KIF17: variants seen among roughly 807,000 people sequenced by gnomAD.
The protein encoded by KIF17 is kinesin family member 17.
Under a neutral mutation model 96.8 loss-of-function variants are expected in KIF17, and 80 were observed. That is an observed-to-expected ratio of 0.83 (90% CI 0.69 to 1.00). The LOEUF is 1.00. Ranked by LOEUF, KIF17 falls within the 50% of genes least tolerant of loss-of-function variation. The probability of loss-of-function intolerance (pLI) is 0.00; values close to 1 mark genes in which losing one functional copy is unlikely to be tolerated. For synonymous variants in KIF17, 567 were observed against 587.5 expected (o/e 0.97, Z 0.51); for missense variants, 1,280 against 1,372.9 (o/e 0.93, Z 1.07).
Position 20,671,966 on chromosome 1 carries a change from G to A in KIF17, c.2694C>T (p.Pro898=), listed in dbSNP as rs180952601. The A allele has an allele frequency of 1.0e-4, 163 of 1,613,930 alleles. No individual in the cohort carries two copies. Among genetic ancestry groups the A allele is most frequent in the African/African-American group, 4.7e-4 (35 of 75,062 alleles). ...CTGGGAGGCTGGTTTTTGTGATGAC[G>A]GGATGTGGGATCTTCCAGAAGCCGT... ...EDNGFWKIPH[P]VITKTSLPVV... Residue 898 remains proline (P), a synonymous_variant, in exon 12 of 15, where the codon CCC becomes CCT. Coordinates refer to ENST00000400463, the MANE Select transcript of KIF17 (RefSeq NM_001122819.3).
intron 6 of KIF17, among the ~76,000 whole-genome samples, chr1:20,694,681 C>T (rs772767333): frequency 6.6e-5 from 10 of 152,266 alleles, no homozygotes; most frequent in East Asian, 5.8e-4. Flanking sequence ...GAGAAGGGGA[C>T]GGAGAATAAT....
rs144138629 is a variant in KIF17, at chr1:20,714,977, G to A, written c.378+516C>T. On this transcript the variant is annotated intron_variant, in intron 2 of 14. Coordinates refer to ENST00000400463, the MANE Select transcript of KIF17 (RefSeq NM_001122819.3). ...GGGTTGTCCCCATCCGCCATTCCCC[G>A]TGCACTGCCACAAATGGTCGCCAGG... Among the ~76,000 whole-genome samples the A allele has an allele frequency of 5.3e-5, 8 of 152,230 alleles. No homozygotes were observed. The South Asian group carries it at 6.2e-4, about 12-fold the overall frequency.
chr1:20,673,501 C>T lies in KIF17; in HGVS notation c.2464-1305G>A, dbSNP rs190561772. On this transcript the variant is annotated intron_variant, in intron 11 of 14. Transcript: ENST00000400463. ...TCAGCTTTCTGAAGTGCTGGGATTACAGGTGTGAGCTACAGTGGCCCAGCC... is the reference window on the plus strand; with the variant it reads ...TCAGCTTTCTGAAGTGCTGGGATTATAGGTGTGAGCTACAGTGGCCCAGCC... Among the ~76,000 whole-genome samples, 248 of 150,844 alleles carry T rather than the reference C, an allele frequency of 1.6e-3. 1 individual carries two copies. Among genetic ancestry groups the T allele is most frequent in the Middle Eastern group, 3.5e-3 (1 of 284 alleles).
At position 20,717,601 on chromosome 1, in the gene KIF17, G is replaced by A; in HGVS notation, c.106C>T (p.Gln36Ter). ...PVVTVDCARAQCCIQNPGAAD... is the reference protein window; with the variant it reads ...PVVTVDCARA ...GCGCCCGGGTTCTGGATGCAGCACT[G>A]GGCGCGCGCGCAGTCCACAGTCACC... The change falls in exon 1 of 15, where the codon CAG (glutamine) becomes TAG (stop). Residue 36 changes from glutamine to a stop codon, truncating the protein, a stop_gained. Transcript: ENST00000400463. LOFTEE classifies it high-confidence loss of function. 1 of 1,610,890 alleles carries A rather than the reference G, an allele frequency of 6.2e-7. No individual in the cohort carries two copies.
rs767908719 is a variant in KIF17 at position 20,666,264 on chromosome 1, CG to C, written c.2857del (p.Arg953AspfsTer87). On this transcript the variant is annotated frameshift_variant, in exon 14 of 15. Coordinates refer to ENST00000400463, the MANE Select transcript of KIF17 (RefSeq NM_001122819.3). LOFTEE classifies it high-confidence loss of function. ...NSENIASNYF[R>X]SKRASQILST... is the part of the protein sequence containing the mutation. The stretch of plus-strand genomic sequence containing the variant: ...GAGGATCTGGCTGGCCCGCTTAGAT[CG>C]GAAGTAGTTGCTGGCAATGTTTTCA... 6.2e-7 allele frequency: 1 copy of C among 1,614,180 alleles called. No individual in the cohort carries two copies. Among genetic ancestry groups the C allele is most frequent in the Non-Finnish European group, 8.5e-7 (1 of 1,180,016 alleles).
intron 11 of KIF17, among the ~76,000 whole-genome samples, chr1:20,679,925 T>C (rs1372238026): frequency 6.6e-6 from 1 of 152,214 alleles, no homozygotes; most frequent in Non-Finnish European, 1.5e-5. Flanking sequence ...TGTTTGTGTA[T>C]ATTAAGTAAG....
In KIF17 at chr1:20,690,352, G is replaced by GGGGCCCCCCC; in HGVS notation, c.1234-18_1234-17insGGGGGGGCCC. 1 of 451,164 alleles carries GGGGCCCCCCC rather than the reference G, an allele frequency of 2.2e-6. No homozygotes were observed. The highest frequency in any genetic ancestry group is 4.3e-6 in the Non-Finnish European group (1 of 235,142). 27.9% of individuals were successfully genotyped at this position (451,164 alleles called of 1,614,324 possible). A position where few individuals can be genotyped will look rare whatever the true frequency, so the allele number is the denominator to read the frequency against. ...TTCATACTCCTGGGGGGGTGGGAGG[G>GGGGCCCCCCC]ACCAGAGGGCAGGCAGCATTTTATC... On this transcript the variant is annotated splice_polypyrimidine_tract_variant and intron_variant, in intron 6 of 14. Coordinates refer to ENST00000400463, the MANE Select transcript of KIF17 (RefSeq NM_001122819.3).
rs180870248 is a variant in KIF17, at chr1:20,680,937, T to C, written c.2463+1716A>G. On this transcript the variant is annotated intron_variant, in intron 11 of 14. Transcript: ENST00000400463. ...AGGAGATTGAGACCATCCTGGCTAA[T>C]ACAGTGAAACCCCGTCTCTACTAAA... 5.7e-3 allele frequency among the ~76,000 whole-genome samples: 859 copies of C among 151,730 alleles called. 7 individuals carry two copies. The highest frequency in any genetic ancestry group is 0.019 in the African/African-American group (806 of 41,414).
rs750134074 is a variant in KIF17 at position 20,717,570 on chromosome 1, T to G, written c.137A>C (p.Asp46Ala). ...GAAGGTGAACTGCTTGGGCGGCTCG[T>G]CGGCGGCGCCCGGGTTCTGGATGCA... The part of the protein sequence containing the change: ...QCCIQNPGAA[D>A]EPPKQFTFDG... Residue 46 changes from aspartate to alanine, a missense_variant, in exon 1 of 15, where the codon GAC becomes GCC. Asp to Ala is a moderately radical substitution (Grantham distance 126). Transcript: ENST00000400463. 3.0e-5 allele frequency: 49 copies of G among 1,611,666 alleles called. No homozygotes were observed. The Middle Eastern group carries it at 9.9e-4, about 32-fold the overall frequency.
In KIF17 at chr1:20,665,562, G is replaced by A. The variant is rs1196610456; in HGVS notation, c.2908+652C>T. ...TTACAGGCACACGCCACTACCGCCCGGCTAATTTTTGTATTTTTAGTAGAG... is the reference window on the plus strand; with the variant it reads ...TTACAGGCACACGCCACTACCGCCCAGCTAATTTTTGTATTTTTAGTAGAG... On this transcript the variant is annotated intron_variant, in intron 14 of 14. Transcript: ENST00000400463. 6.6e-5 allele frequency among the ~76,000 whole-genome samples: 10 copies of A among 151,736 alleles called. No homozygotes were observed. The East Asian group carries it at 1.9e-3, about 29-fold the overall frequency.
chr1:20,676,949 G>A (rs1023846178), intron 11 of KIF17, among the ~76,000 whole-genome samples: 17 of 152,180 alleles, frequency 1.1e-4, no homozygotes, highest in African/African-American at 3.9e-4. Context: ...AGTGGCTCAT[G>A]CCTGTAATCC....
At chr1:20,690,607 C>T (rs1202110551) in intron 6 of KIF17, among the ~76,000 whole-genome samples, 2 of 151,776 alleles carry the variant, frequency 1.3e-5, no homozygotes, top group Non-Finnish European at 2.9e-5. Flanking sequence ...ATTCCAGCCT[C>T]GAACTCCCAG....
intron 6 of KIF17, among the ~76,000 whole-genome samples, chr1:20,696,655 C>A (rs1013328345): frequency 6.6e-6 from 1 of 152,062 alleles, no homozygotes; most frequent in Non-Finnish European, 1.5e-5. Context: ...CCCCACCGGG[C>A]TTCCCGGGAA....
Position 20,700,130 on chromosome 1 carries a change from G to A in KIF17, c.1124-1642C>T, listed in dbSNP as rs563338733. On this transcript the variant is annotated intron_variant, in intron 5 of 14. Transcript: ENST00000400463. This position sits in a 1 kb window ranked among gnomAD's most constrained non-coding sequence, Gnocchi z 4.6. Reference sequence around the variant, plus strand: ...TCTGTCGCCTAGGCTAGATGCAATCGTGTGATCTCGGCTCACTGCAACCTC... The same window carrying A: ...TCTGTCGCCTAGGCTAGATGCAATCATGTGATCTCGGCTCACTGCAACCTC... Among the ~76,000 whole-genome samples, 7 of 152,270 alleles carry A rather than the reference G, an allele frequency of 4.6e-5. No individual in the cohort carries two copies. Among genetic ancestry groups the A allele is most frequent in the African/African-American group, 1.7e-4 (7 of 41,556 alleles).
intron 6 of KIF17, among the ~76,000 whole-genome samples, chr1:20,697,703 C>T (rs1216311069): frequency 1.3e-5 from 2 of 152,240 alleles, no homozygotes; most frequent in African/African-American, 4.8e-5. Flanking sequence ...AGGCGGGAAT[C>T]TCTGGAAACC....
At position 20,685,274 on chromosome 1, in the gene KIF17, G is replaced by A; in HGVS notation, c.2020-254C>T. 1 of 668,788 alleles carries A rather than the reference G, an allele frequency of 1.5e-6. No individual in the cohort carries two copies. Among genetic ancestry groups the A allele is most frequent in the African/African-American group, 1.8e-5 (1 of 56,654 alleles). The allele number at this position is 668,788 out of a possible 1,614,324, so 41.4% of individuals were successfully genotyped here. On this transcript the variant is annotated intron_variant, in intron 9 of 14. Transcript: ENST00000400463. This position sits in a 1 kb window ranked among gnomAD's most constrained non-coding sequence, Gnocchi z 4.1. ...CACCTCCCACAATCCAGTCTCCACAGGCAGCCAGGGCCATCTTAAAATAGA... is the reference window on the plus strand; with the variant it reads ...CACCTCCCACAATCCAGTCTCCACAAGCAGCCAGGGCCATCTTAAAATAGA...
At chr1:20,669,462 G>A (rs1307989657) in intron 13 of KIF17, among the ~76,000 whole-genome samples, 40 of 151,066 alleles carry the variant, frequency 2.6e-4, no homozygotes, top group Admixed American at 2.6e-3. Context: ...GCTGAACCTG[G>A]GAGGCAGAGC....
chr1:20,703,504 A>C (rs1294654922), intron 5 of KIF17, among the ~76,000 whole-genome samples: 1 of 27,668 alleles, frequency 3.6e-5, no homozygotes, highest in Non-Finnish European at 1.0e-4. Flanking sequence ...GGATGCATGG[A>C]TGGATGGATG....
At chr1:20,702,331 G>A (rs1213556566) in intron 5 of KIF17, among the ~76,000 whole-genome samples, 2 of 150,150 alleles carry the variant, frequency 1.3e-5, no homozygotes, top group African/African-American at 5.1e-5. Context: ...GAGAAGGGAT[G>A]CTAACAGCTA....
Sources: allele counts gnomAD v4.1 joint callset (sites outside exome capture counted in the v4.1 genomes callset), GRCh38; gene constraint gnomAD v4.1.1; non-coding constraint Gnocchi (gnomAD v3.1); transcripts MANE v1.5; gene names NCBI Gene and HGNC (gene_info 2026-07-23, HGNC 2026-07-21).